Variants in CAMSAP2 observed in about 807,000 individuals in gnomAD.
CAMSAP2 encodes calmodulin-regulated spectrin-associated protein 2.
CAMSAP2 carries 26 observed loss-of-function variants against 146.1 expected under a neutral mutation model. The ratio of observed to expected loss-of-function variants is 0.18; its 90% CI spans 0.13 to 0.25. The LOEUF (loss-of-function observed/expected upper bound fraction) is 0.25, where lower values mean the gene tolerates loss of function less well. Ranked by LOEUF, CAMSAP2 falls within the 10% of genes least tolerant of loss-of-function variation. CAMSAP2 has a pLI of 1.00. For synonymous variants in CAMSAP2, 499 were observed against 596.6 expected, an observed-to-expected ratio of 0.84 and a Z score of 2.38; for missense variants, 1,381 against 1,759.3, an observed-to-expected ratio of 0.78 and a Z score of 3.85.
chr1:200,818,095 G>A (rs999093383), intron 4 of CAMSAP2, among the ~76,000 whole-genome samples: 3 of 152,078 alleles, frequency 2.0e-5, no homozygotes, highest in Non-Finnish European at 4.4e-5. Flanking sequence ...TCAGTAATAA[G>A]GTTGAAGTGG....
intron 3 of CAMSAP2, among the ~76,000 whole-genome samples, chr1:200,812,312 T>G (rs1260761824): frequency 6.6e-6 from 1 of 152,180 alleles, no homozygotes; most frequent in Non-Finnish European, 1.5e-5. Flanking sequence ...AAGGATAGTT[T>G]AAGCCATTGA....
At chr1:200,826,454 T>C (rs1316211707) in intron 4 of CAMSAP2, among the ~76,000 whole-genome samples, 1 of 151,370 alleles carries the variant, frequency 6.6e-6, no homozygotes, top group Non-Finnish European at 1.5e-5. Context: ...AGATTAAATC[T>C]AACAAGTTAA....
rs778858967 is a variant in CAMSAP2 at position 200,761,023 on chromosome 1, A to G, written c.324A>G (p.Ala108=). The change falls in exon 2 of 17, where the codon GCA becomes GCG. Residue 108 remains alanine (A), a synonymous_variant. Transcript: ENST00000358823. ...ATGATGCTGTAATCCAGGCTTTAGC[A>G]CAGAAAGGTCTTTATGTCACTGACC... The part of the protein sequence containing the change: ...LGHDAVIQAL[A]QKGLYVTDQE... The G allele has an allele frequency of 4.3e-6, 7 of 1,614,058 alleles. No individual in the cohort carries two copies. Among genetic ancestry groups the G allele is most frequent in the Non-Finnish European group, 3.4e-6 (4 of 1,180,026 alleles).
chr1:200,781,701 C>T (rs1425690189), intron 2 of CAMSAP2, among the ~76,000 whole-genome samples: 3 of 151,864 alleles, frequency 2.0e-5, no homozygotes, highest in Admixed American at 1.3e-4. Context: ...TCACTATACC[C>T]GGCTAATTTT....
intron 8 of CAMSAP2, among the ~76,000 whole-genome samples, chr1:200,845,557 T>C (rs953026863): frequency 2.0e-5 from 3 of 152,166 alleles, no homozygotes; most frequent in Admixed American, 2.0e-4. Flanking sequence ...CATACTGGCA[T>C]GTATAGAAAA....
intron 2 of CAMSAP2, among the ~76,000 whole-genome samples, chr1:200,784,668 C>T (rs551222456): frequency 2.2e-4 from 33 of 152,252 alleles, no homozygotes; most frequent in Admixed American, 3.9e-4. Flanking sequence ...GAACTTTCAA[C>T]GTAAACAATC....
chr1:200,854,735 G>A, intron 13 of CAMSAP2, 82 bp from the exon 14 acceptor site: 1 of 973,138 alleles, frequency 1.0e-6, no homozygotes, highest in Non-Finnish European at 1.6e-6. Flanking sequence ...GTTATCTAAT[G>A]AACAGACTCT....
At position 200,859,097 on chromosome 1, in the gene CAMSAP2, G is replaced by T. The variant is rs1360749499; in HGVS notation, c.*1038G>T. On this transcript the variant is annotated 3_prime_UTR_variant, in exon 17 of 17. Coordinates refer to ENST00000358823, the MANE Select transcript of CAMSAP2 (RefSeq NM_203459.4). ...CTTCACATTATTTTACTTATATTGG[G>T]TTTTTCTTCATTTTAATCCTTTTCA... is the stretch of plus-strand genomic sequence containing the variant. 1 of 152,316 alleles carries T rather than the reference G, an allele frequency of 6.6e-6. No individual in the cohort carries two copies. The highest frequency in any genetic ancestry group is 1.9e-4 in the East Asian group (1 of 5,288). The allele number at this position is 152,316 out of a possible 1,614,324, so 9.4% of individuals were successfully genotyped here.
chr1:200,844,986 T>C, intron 8 of CAMSAP2, 117 bp downstream of exon 8: 1 of 515,912 alleles, frequency 1.9e-6, no homozygotes, highest in Non-Finnish European at 3.3e-6. Context: ...TTTGAACTGT[T>C]ATAATTAGCT....
chr1:200,754,786 G>A (rs1013949433), intron 1 of CAMSAP2, among the ~76,000 whole-genome samples: 7 of 152,030 alleles, frequency 4.6e-5, no homozygotes, highest in Non-Finnish European at 7.4e-5. Context: ...GTTTCACCGT[G>A]TTAGTCAGGA....
At chr1:200,759,529 G>A (rs1035959517) in intron 1 of CAMSAP2, among the ~76,000 whole-genome samples, 1 of 152,104 alleles carries the variant, frequency 6.6e-6, no homozygotes, top group South Asian at 2.1e-4. Context: ...TGCCCACTTC[G>A]ACCTCCCAAA....
intron 2 of CAMSAP2, among the ~76,000 whole-genome samples, chr1:200,766,176 C>G (rs541894525): frequency 5.2e-4 from 78 of 148,756 alleles, no homozygotes; most frequent in African/African-American, 1.9e-3. Flanking sequence ...CAGGATCTCA[C>G]TCTGTTGCCC....
chr1:200,773,887 A>AAAAATAAAATAAAATAAAAT (rs201163114), intron 2 of CAMSAP2, among the ~76,000 whole-genome samples: 38 of 134,314 alleles, frequency 2.8e-4, no homozygotes, highest in South Asian at 9.6e-4. Flanking sequence ...CTCTGTCTCA[A>AAAAATAAAATAAAATAAAAT]AAAATAAAAT....
intron 2 of CAMSAP2, among the ~76,000 whole-genome samples, chr1:200,802,134 A>G (rs1666050947): frequency 6.6e-6 from 1 of 152,224 alleles, no homozygotes; most frequent in Non-Finnish European, 1.5e-5. Context: ...CCTTGGTTTT[A>G]GTTTATTCTT....
Position 200,753,819 on chromosome 1 carries a change from C to T in CAMSAP2, c.140-7020C>T, listed in dbSNP as rs557482421. Among the ~76,000 whole-genome samples the T allele has an allele frequency of 2.8e-4, 42 of 152,306 alleles. 1 individual carries two copies. The South Asian group carries it at 8.3e-3, about 30-fold the overall frequency. On this transcript the variant is annotated intron_variant, in intron 1 of 16. Coordinates refer to ENST00000358823, the MANE Select transcript of CAMSAP2 (RefSeq NM_203459.4). ...CTCTTGCTTGTCACTGCCACTACCA[C>T]GACCACCAGTTGTCTCTCTGTCAGC...
intron 2 of CAMSAP2, among the ~76,000 whole-genome samples, chr1:200,785,280 T>A (rs758414608): frequency 1.9e-4 from 29 of 152,186 alleles, no homozygotes; most frequent in Non-Finnish European, 3.4e-4. Flanking sequence ...TGTTCCCTAC[T>A]CCACTGTTTT....
chr1:200,771,190 C>T (rs1358997022), intron 2 of CAMSAP2, among the ~76,000 whole-genome samples: 2 of 151,912 alleles, frequency 1.3e-5, no homozygotes, highest in Admixed American at 6.6e-5. Flanking sequence ...GTTTTGCTCA[C>T]CTGACTAAAG....
At chr1:200,795,343 C>G (rs902272316) in intron 2 of CAMSAP2, among the ~76,000 whole-genome samples, 17 of 152,140 alleles carry the variant, frequency 1.1e-4, no homozygotes, top group Admixed American at 1.0e-3. Flanking sequence ...GTATGCTGTT[C>G]TTGGGCTTCT....
At chr1:200,792,787 G>A (rs551179976) in intron 2 of CAMSAP2, among the ~76,000 whole-genome samples, 80 of 152,328 alleles carry the variant, frequency 5.3e-4, no homozygotes, top group African/African-American at 1.9e-3. Flanking sequence ...AGAAGTAGAT[G>A]TGACTGGGAA....
Sources: gnomAD v4.1 joint callset for allele counts (sites outside exome capture counted in the v4.1 genomes callset) on GRCh38, gnomAD v4.1.1 for gene constraint, MANE v1.5 for transcripts, NCBI Gene and HGNC (gene_info 2026-07-23, HGNC 2026-07-21) for gene names.